Variants in DPP10 observed in about 807,000 individuals in gnomAD.
DPP10 encodes the protein inactive dipeptidyl peptidase 10.
In DPP10, 33 loss-of-function variants were observed where a neutral mutation model predicts 120.9. The ratio of observed to expected loss-of-function variants is 0.27; its 90% CI spans 0.21 to 0.37. The LOEUF (loss-of-function observed/expected upper bound fraction) is 0.37, where lower values mean the gene tolerates loss of function less well. Ranked by LOEUF, DPP10 falls within the 10% of genes least tolerant of loss-of-function variation. The probability of loss-of-function intolerance (pLI) is 1.00; values close to 1 mark genes in which losing one functional copy is unlikely to be tolerated. For synonymous variants in DPP10, 337 were observed against 326.1 expected, an observed-to-expected ratio of 1.03 and a Z score of -0.36; for missense variants, 816 against 942.8, an observed-to-expected ratio of 0.87 and a Z score of 1.76.
intron 12 of DPP10, among the ~76,000 whole-genome samples, chr2:115,766,465 T>C (rs1490275116): frequency 6.6e-6 from 1 of 151,358 alleles, no homozygotes; most frequent in African/African-American, 2.4e-5. Context: ...CATATGTACA[T>C]ACATTCATAT....
intron 20 of DPP10, 114 bp from the exon 21 acceptor site, chr2:115,815,561 A>C: frequency 1.1e-6 from 1 of 888,610 alleles, no homozygotes; most frequent in African/African-American, 1.7e-5. Context: ...AGCTACAGTT[A>C]GTAAAGCATT....
At chr2:115,759,878 C>T (rs1054642383) in intron 11 of DPP10, among the ~76,000 whole-genome samples, 33 of 151,882 alleles carry the variant, frequency 2.2e-4, no homozygotes, top group African/African-American at 6.8e-4. Context: ...GGCATGTTGG[C>T]GCATGCCTGT....
chr2:115,149,455 G>A (rs1159574508), intron 1 of DPP10, among the ~76,000 whole-genome samples: 1 of 152,080 alleles, frequency 6.6e-6, no homozygotes, highest in East Asian at 1.9e-4. Flanking sequence ...CATCAATTAG[G>A]ATTTAAATTT....
intron 1 of DPP10, among the ~76,000 whole-genome samples, chr2:114,588,027 G>A (rs1221138412): frequency 6.6e-6 from 1 of 152,208 alleles, no homozygotes; most frequent in East Asian, 1.9e-4. Flanking sequence ...GGTCCCAGGT[G>A]TTTTAGAAGC....
intron 3 of DPP10, among the ~76,000 whole-genome samples, chr2:115,402,885 G>GTGTGTGTATATATATGTATATATA (rs2068195398): frequency 2.9e-5 from 4 of 137,348 alleles, no homozygotes; most frequent in Non-Finnish European, 6.1e-5. Flanking sequence ...ATGTGTGTGT[G>GTGTGTGTATATATATGTATATATA]TGTGTGTATA....
intron 1 of DPP10, among the ~76,000 whole-genome samples, chr2:114,534,146 A>G (rs1031896842): frequency 1.3e-5 from 2 of 152,204 alleles, no homozygotes; most frequent in African/African-American, 2.4e-5. Context: ...CTCATTCAAA[A>G]TGATGGGAAT....
chr2:115,576,864 C>G (rs990717407), intron 5 of DPP10, among the ~76,000 whole-genome samples: 19 of 152,192 alleles, frequency 1.2e-4, no homozygotes, highest in Non-Finnish European at 2.6e-4. Context: ...AGAGTAATCT[C>G]TCATGCATCT....
At chr2:115,449,149 CA>C (rs1273992912) in intron 3 of DPP10, among the ~76,000 whole-genome samples, 2 of 152,018 alleles carry the variant, frequency 1.3e-5, no homozygotes, top group South Asian at 2.1e-4. Flanking sequence ...TTGATTTACG[CA>C]AAAAAATTGT....
chr2:115,054,480 A>T (rs935405337), intron 1 of DPP10, among the ~76,000 whole-genome samples: 3 of 152,186 alleles, frequency 2.0e-5, no homozygotes, highest in African/African-American at 7.2e-5. Flanking sequence ...TTAGAAAAAA[A>T]GTGCACTGTT....
intron 1 of DPP10, among the ~76,000 whole-genome samples, chr2:114,818,804 A>G (rs1477599599): frequency 1.3e-5 from 2 of 152,110 alleles, no homozygotes; most frequent in Non-Finnish European, 2.9e-5. Flanking sequence ...TTATCCATGA[A>G]CCTTTTCTAC....
At position 114,557,320 on chromosome 2, in the gene DPP10, A is replaced by G. The variant is rs536241868; in HGVS notation, c.60+114482A>G. On this transcript the variant is annotated intron_variant, in intron 1 of 25. Transcript: ENST00000410059. ...TCTCAGGGAAAATGTGGCTTTCCTG[A>G]CAGCCCCAGATGATCCATCTGTCTC... Among the ~76,000 whole-genome samples the G allele has an allele frequency of 3.3e-5, 5 of 152,262 alleles. No individual in the cohort carries two copies. The South Asian group carries it at 8.3e-4, about 25-fold the overall frequency.
intron 1 of DPP10, among the ~76,000 whole-genome samples, chr2:114,616,300 A>T (rs1239796009): frequency 2.6e-5 from 4 of 152,090 alleles, no homozygotes; most frequent in Non-Finnish European, 5.9e-5. Flanking sequence ...GACTTGCTGT[A>T]CCCAGTGGAA....
intron 1 of DPP10, among the ~76,000 whole-genome samples, chr2:115,286,534 T>TATAATATATATATTAC (rs2060407735): frequency 8.6e-6 from 1 of 116,364 alleles, no homozygotes; most frequent in African/African-American, 3.1e-5. Flanking sequence ...ATAATATATA[T>TATAATATATATATTAC]ATATATAAAA....
At chr2:114,832,911 T>C (rs113678475) in intron 1 of DPP10, among the ~76,000 whole-genome samples, 181 of 152,204 alleles carry the variant, frequency 1.2e-3, no homozygotes, top group African/African-American at 4.2e-3. Flanking sequence ...ATAAGAATAA[T>C]TGCCATTTCA....
At chr2:114,957,905 A>G (rs569810030) in intron 1 of DPP10, among the ~76,000 whole-genome samples, 46 of 152,318 alleles carry the variant, frequency 3.0e-4, no homozygotes, top group African/African-American at 1.1e-3. Flanking sequence ...TAAAATGTCA[A>G]ACTCATACAG....
intron 1 of DPP10, among the ~76,000 whole-genome samples, chr2:114,682,302 G>T (rs1001707063): frequency 6.6e-6 from 1 of 151,876 alleles, no homozygotes; most frequent in Non-Finnish European, 1.5e-5. Flanking sequence ...AAATACCTCA[G>T]ACTGACATAC....
chr2:114,636,058 A>G (rs1181570539), intron 1 of DPP10, among the ~76,000 whole-genome samples: 1 of 151,962 alleles, frequency 6.6e-6, no homozygotes, highest in Non-Finnish European at 1.5e-5. Context: ...AGATTCACTC[A>G]TTCATTTTTT....
intron 1 of DPP10, among the ~76,000 whole-genome samples, chr2:114,905,239 T>A (rs1693869660): frequency 6.6e-6 from 1 of 151,992 alleles, no homozygotes; most frequent in Non-Finnish European, 1.5e-5. Context: ...TTTGTAGGAT[T>A]GTGTTGAGTA....
chr2:115,488,880 TAAAAAAA>T (rs35020299), intron 3 of DPP10, among the ~76,000 whole-genome samples: 29,811 of 126,828 alleles, frequency 0.24, 3,480 homozygotes, highest in East Asian at 0.39. Context: ...TAGAGTATAA[TAAAAAAA>T]AAAAAAAAAA....
Sources: allele counts gnomAD v4.1 joint callset (sites outside exome capture counted in the v4.1 genomes callset), GRCh38; gene constraint gnomAD v4.1.1; transcripts MANE v1.5; gene names NCBI Gene and HGNC (gene_info 2026-07-23, HGNC 2026-07-21).